Variants in SEMA6D observed in about 807,000 individuals in gnomAD.
SEMA6D encodes the protein semaphorin 6D, also known as semaphorin-6D.
Under a neutral mutation model 106.6 loss-of-function variants are expected in SEMA6D, and 35 were observed. That is an observed-to-expected ratio of 0.33 (90% CI 0.25 to 0.44). The LOEUF (loss-of-function observed/expected upper bound fraction) is 0.44. Ranked by LOEUF, SEMA6D falls within the 20% of genes least tolerant of loss-of-function variation. SEMA6D has a pLI of 1.00. For missense variants in SEMA6D, 1,185 were observed against 1,345.9 expected (o/e 0.88, Z 1.87); for synonymous variants, 499 against 487.7 (o/e 1.02, Z -0.31).
intron 1 of SEMA6D, among the ~76,000 whole-genome samples, chr15:47,307,930 A>AT (rs2036291957): frequency 6.6e-6 from 1 of 152,044 alleles, no homozygotes; most frequent in African/African-American, 2.4e-5. Flanking sequence ...ATCAGAGTGT[A>AT]TTTTGTTTAC....
intron 1 of SEMA6D, among the ~76,000 whole-genome samples, chr15:47,750,378 T>C (rs1567072298): frequency 1.3e-5 from 2 of 152,166 alleles, no homozygotes; most frequent in Non-Finnish European, 2.9e-5. Context: ...GCAGCCCCCT[T>C]GTATTGCATA....
At chr15:47,369,085 GT>G (rs2039173026) in intron 1 of SEMA6D, among the ~76,000 whole-genome samples, 2 of 152,214 alleles carry the variant, frequency 1.3e-5, no homozygotes, top group South Asian at 4.1e-4. Flanking sequence ...AGGCAAAACA[GT>G]TGCTGGTGTT....
In SEMA6D at chr15:47,764,998, C is replaced by G; in HGVS notation, c.1369C>G (p.Pro457Ala). 2 of 1,613,888 alleles carry G rather than the reference C, an allele frequency of 1.2e-6. No individual in the cohort carries two copies. The highest frequency in any genetic ancestry group is 1.7e-6 in the Non-Finnish European group (2 of 1,179,844). The change falls in exon 13 of 19, where the codon CCT (proline) becomes GCT (alanine). Residue 457 changes from proline to alanine, a missense_variant. Physicochemically the swap from Pro to Ala is conservative, Grantham distance 27 (BLOSUM62 -1). Coordinates refer to ENST00000536845, the MANE Select transcript of SEMA6D (RefSeq NM_001358351.3). The part of the protein sequence containing the change: ...MVLKVLAKTS[P>A]FSLNDSVLLE... The stretch of plus-strand genomic sequence containing the variant: ...ACTTAAAGTTCTGGCAAAGACCAGT[C>G]CTTTCTCTTTGAACGACAGCGTATT...
At chr15:47,601,737 A>T (rs1449796419) in intron 4 of SEMA6D, among the ~76,000 whole-genome samples, 2 of 152,188 alleles carry the variant, frequency 1.3e-5, no homozygotes, top group Non-Finnish European at 2.9e-5. Flanking sequence ...AAAGTTCTCC[A>T]TGTGTTAATT....
At chr15:47,487,521 T>C (rs1445559476) in intron 3 of SEMA6D, among the ~76,000 whole-genome samples, 3 of 152,244 alleles carry the variant, frequency 2.0e-5, no homozygotes, top group Non-Finnish European at 4.4e-5. Flanking sequence ...TGTATGTGTA[T>C]GGCTTCCTTT....
rs779049159 is a variant in SEMA6D at position 47,771,578 on chromosome 15, T to C, written c.3015T>C (p.Thr1005=). 5 of 1,614,096 alleles carry C rather than the reference T, an allele frequency of 3.1e-6. No individual in the cohort carries two copies. The highest frequency in any genetic ancestry group is 4.2e-6 in the Non-Finnish European group (5 of 1,179,962). The change falls in exon 19 of 19, where the codon ACT becomes ACC. Residue 1005 remains threonine (T), a synonymous_variant. Coordinates refer to ENST00000536845, the MANE Select transcript of SEMA6D (RefSeq NM_001358351.3). ...GTGGAGGATATATGCCCACCCCCAC[T>C]GGGGCGAAGGTGGACTATATTCAGG... The part of the protein sequence containing the change: ...MNRGGYMPTP[T]GAKVDYIQGT...
chr15:47,367,692 G>GCACACACACA (rs72057750), intron 1 of SEMA6D, among the ~76,000 whole-genome samples: 5 of 73,406 alleles, frequency 6.8e-5, no homozygotes, highest in East Asian at 3.8e-4. Flanking sequence ...GCGCGCGCGC[G>GCACACACACA]CACACACACA....
At chr15:47,278,554 T>G (rs2034948843) in intron 1 of SEMA6D, among the ~76,000 whole-genome samples, 2 of 152,182 alleles carry the variant, frequency 1.3e-5, no homozygotes, top group East Asian at 1.9e-4. Flanking sequence ...TTTCTCCCAT[T>G]TTGTAGGTTG....
chr15:47,184,868 GC>G (rs1007160258), intron 1 of SEMA6D, among the ~76,000 whole-genome samples: 5 of 152,236 alleles, frequency 3.3e-5, no homozygotes, highest in African/African-American at 4.8e-5. Context: ...CCGCCACGCT[GC>G]CCCGCTTTTT....
chr15:47,502,566 C>G (rs2043888782), intron 3 of SEMA6D, among the ~76,000 whole-genome samples: 1 of 152,164 alleles, frequency 6.6e-6, no homozygotes, highest in South Asian at 2.1e-4. Context: ...ACACTAAAGG[C>G]TATACGGTAA....
intron 1 of SEMA6D, among the ~76,000 whole-genome samples, chr15:47,747,639 A>T (rs2081217332): frequency 6.6e-6 from 1 of 152,310 alleles, no homozygotes; most frequent in South Asian, 2.1e-4. Flanking sequence ...AGACTTCCAT[A>T]GCCCCAGCCT....
intron 3 of SEMA6D, among the ~76,000 whole-genome samples, chr15:47,504,490 CT>C (rs5812399): frequency 0.097 from 14,701 of 152,182 alleles, 1,007 homozygotes; most frequent in East Asian, 0.32. Context: ...GGTTGATGCT[CT>C]GATAGAAAAG....
chr15:47,330,163 CT>C (rs1366785735), intron 1 of SEMA6D, among the ~76,000 whole-genome samples: 2 of 152,150 alleles, frequency 1.3e-5, no homozygotes, highest in African/African-American at 4.8e-5. Context: ...CCATTTTGCT[CT>C]TCTTTTTTTC....
chr15:47,300,798 C>G (rs1362150348), intron 1 of SEMA6D, among the ~76,000 whole-genome samples: 3 of 152,198 alleles, frequency 2.0e-5, no homozygotes, highest in Non-Finnish European at 4.4e-5. Context: ...TCCCCAAAGG[C>G]TAGGCTTAGG....
In SEMA6D at chr15:47,761,025, T is replaced by C; in HGVS notation, c.269T>C (p.Val90Ala). Residue 90 changes from valine to alanine, a missense_variant, in exon 4 of 19, where the codon GTA (valine) becomes GCA (alanine). This residue lies in a region of SEMA6D where 144 missense variants were observed against 138.6 expected (regional missense o/e 1.04). Coordinates refer to ENST00000536845, the MANE Select transcript of SEMA6D (RefSeq NM_001358351.3). ...VNLNEMPKTEVIPNKKLTWRS... is the reference protein window; with the variant it reads ...VNLNEMPKTEAIPNKKLTWRS... ...TTAAATGAAATGCCCAAAACAGAAGTAATACCCAACAAGGTGAGCAACTGT... is the reference window on the plus strand; with the variant it reads ...TTAAATGAAATGCCCAAAACAGAAGCAATACCCAACAAGGTGAGCAACTGT... 1 of 1,613,562 alleles carries C rather than the reference T, an allele frequency of 6.2e-7. No individual in the cohort carries two copies. Among genetic ancestry groups the C allele is most frequent in the Non-Finnish European group, 8.5e-7 (1 of 1,179,666 alleles).
At chr15:47,731,400 G>T (rs2080114427) in intron 1 of SEMA6D, among the ~76,000 whole-genome samples, 1 of 152,086 alleles carries the variant, frequency 6.6e-6, no homozygotes, top group Non-Finnish European at 1.5e-5. Context: ...GGTAGTGGCT[G>T]TTACAGCTTG....
chr15:47,329,981 C>A (rs1047442903), intron 1 of SEMA6D, among the ~76,000 whole-genome samples: 1 of 152,168 alleles, frequency 6.6e-6, no homozygotes, highest in African/African-American at 2.4e-5. Flanking sequence ...AGATTAAAAC[C>A]GTGCTAAACT....
intron 1 of SEMA6D, among the ~76,000 whole-genome samples, chr15:47,369,640 T>C (rs886188482): frequency 1.8e-4 from 27 of 152,260 alleles, no homozygotes; most frequent in Admixed American, 3.3e-4. Flanking sequence ...TGATGTATGT[T>C]ACAATATACA....
At chr15:47,615,198 A>G (rs369979216) in intron 4 of SEMA6D, among the ~76,000 whole-genome samples, 2 of 152,258 alleles carry the variant, frequency 1.3e-5, no homozygotes, top group East Asian at 3.8e-4. Flanking sequence ...TACAATAATA[A>G]AAAATGCAAA....
Sources: allele counts gnomAD v4.1 joint callset (sites outside exome capture counted in the v4.1 genomes callset), GRCh38; gene constraint gnomAD v4.1.1; regional missense constraint gnomAD v4.1.1; transcripts MANE v1.5; gene names NCBI Gene and HGNC (gene_info 2026-07-23, HGNC 2026-07-21).